Variants in RPP14 observed in about 807,000 individuals in gnomAD.
The protein encoded by RPP14 is ribonuclease P/MRP subunit p14, also known as ribonuclease P protein subunit p14.
In RPP14, 19 loss-of-function variants were observed where a neutral mutation model predicts 17.8. The observed-to-expected ratio is 1.07, with a 90% CI of 0.74 to 1.57. The LOEUF (loss-of-function observed/expected upper bound fraction) is 1.57, where lower values mean the gene tolerates loss of function less well. Ranked by LOEUF, RPP14 falls within the 40% of genes most tolerant of loss-of-function variation. RPP14 has a pLI of 0.00. For missense variants in RPP14, 125 were observed against 140.8 expected, an observed-to-expected ratio of 0.89 and a Z score of 0.57; for synonymous variants, 60 against 56.4, an observed-to-expected ratio of 1.06 and a Z score of -0.29.
chr3:58,310,562 ATTTC>A lies in RPP14; in HGVS notation c.134_137del (p.Ile45ArgfsTer3), dbSNP rs1240545534. On this transcript the variant is annotated frameshift_variant, in exon 3 of 6. Coordinates refer to ENST00000295959, the MANE Select transcript of RPP14 (RefSeq NM_007042.6). LOFTEE classifies it high-confidence loss of function. Reference sequence around the variant, plus strand: ...TGCTGCACAGTTCAAACAGCTGCTTATTTCGGCTGTGAAGGACCTGTTTGGGGAG... The same window carrying A: ...TGCTGCACAGTTCAAACAGCTGCTTAGGCTGTGAAGGACCTGTTTGGGGAG... 1.2e-5 allele frequency: 19 copies of A among 1,612,958 alleles called. No homozygotes were observed. The highest frequency in any genetic ancestry group is 1.6e-5 in the Non-Finnish European group (19 of 1,179,726).
At chr3:58,315,260 A>C (rs1246717746) in intron 3 of RPP14, among the ~76,000 whole-genome samples, 1 of 152,288 alleles carries the variant, frequency 6.6e-6, no homozygotes, top group African/African-American at 2.4e-5. Flanking sequence ...CCAGAGAATT[A>C]TGCTGAGCGA....
chr3:58,308,710 A>T (rs1367562685), intron 1 of RPP14, among the ~76,000 whole-genome samples: 1 of 152,188 alleles, frequency 6.6e-6, no homozygotes. Flanking sequence ...TAGCTCTGTG[A>T]CCTTGGATAA....
At chr3:58,312,086 T>C (rs1370478992) in intron 3 of RPP14, among the ~76,000 whole-genome samples, 3 of 151,786 alleles carry the variant, frequency 2.0e-5, no homozygotes, top group Non-Finnish European at 2.9e-5. Flanking sequence ...GCTCCTGGAC[T>C]CAAGCAATCC....
At chr3:58,312,417 G>A (rs756290349) in intron 3 of RPP14, among the ~76,000 whole-genome samples, 6 of 126,612 alleles carry the variant, frequency 4.7e-5, no homozygotes, top group Non-Finnish European at 3.1e-5. Flanking sequence ...CTGCCACCAC[G>A]CCCAGCTAAT....
At position 58,319,958 on chromosome 3, in the gene RPP14, ACCT is replaced by A. The variant is rs1559798143; in HGVS notation, c.*2465_*2467del. On this transcript the variant is annotated 3_prime_UTR_variant, in exon 6 of 6. Transcript: ENST00000295959. Reference sequence around the variant, plus strand: ...AGCATTTTTCATCACCCCCAAAAGAACCTCCCATTAGCAGTCAATCCATTTCTC... The same window carrying A: ...AGCATTTTTCATCACCCCCAAAAGAACCCATTAGCAGTCAATCCATTTCTC... 6.6e-6 allele frequency: 1 copy of A among 152,012 alleles called. No individual in the cohort carries two copies. Among genetic ancestry groups the A allele is most frequent in the Non-Finnish European group, 1.5e-5 (1 of 68,020 alleles). 9.4% of individuals were successfully genotyped at this position (152,012 alleles called of 1,614,324 possible). A position where few individuals can be genotyped will look rare whatever the true frequency, so the allele number is the denominator to read the frequency against.
rs2097481125 is a variant in RPP14 at position 58,310,568 on chromosome 3, G to A, written c.139G>A (p.Ala47Thr). The A allele has an allele frequency of 1.2e-6, 2 of 1,612,944 alleles. No individual in the cohort carries two copies. Among genetic ancestry groups the A allele is most frequent in the East Asian group, 2.2e-5 (1 of 44,866 alleles). Residue 47 changes from alanine to threonine, a missense_variant, in exon 3 of 6, where the codon GCT becomes ACT. Coordinates refer to ENST00000295959, the MANE Select transcript of RPP14 (RefSeq NM_007042.6). ...AAQFKQLLIS[A>T]VKDLFGEVDA... ...ACAGTTCAAACAGCTGCTTATTTCG[G>A]CTGTGAAGGACCTGTTTGGGGAGGT...
Position 58,310,564 on chromosome 3 carries a change from T to C in RPP14, c.135T>C (p.Ile45=), listed in dbSNP as rs751391225. ...CTGCACAGTTCAAACAGCTGCTTAT[T>C]TCGGCTGTGAAGGACCTGTTTGGGG... ...LNAAQFKQLL[I]SAVKDLFGEV... The change falls in exon 3 of 6, where the codon ATT becomes ATC. Residue 45 remains isoleucine, a synonymous_variant. Coordinates refer to ENST00000295959, the MANE Select transcript of RPP14 (RefSeq NM_007042.6). The C allele has an allele frequency of 1.9e-6, 3 of 1,613,282 alleles. No homozygotes were observed. The highest frequency in any genetic ancestry group is 2.5e-6 in the Non-Finnish European group (3 of 1,179,704).
intron 1 of RPP14, among the ~76,000 whole-genome samples, chr3:58,308,917 A>G (rs1248459039): frequency 6.6e-6 from 1 of 152,250 alleles, no homozygotes; most frequent in Non-Finnish European, 1.5e-5. Context: ...AGGGAGAGCA[A>G]GGTTGGCATG....
Position 58,317,002 on chromosome 3 carries a change from T to C in RPP14, c.318+9T>C, listed in dbSNP as rs2097489008. 1 of 1,603,320 alleles carries C rather than the reference T, an allele frequency of 6.2e-7. No homozygotes were observed. The highest frequency in any genetic ancestry group is 1.3e-5 in the African/African-American group (1 of 74,670). On this transcript the variant is annotated intron_variant, in intron 5 of 5. Transcript: ENST00000295959. The stretch of plus-strand genomic sequence containing the variant: ...CTTTCCGGGTGATTCAGGTAAAGAC[T>C]ATTCCCTCACATATTCCAAACAAGA...
chr3:58,306,425 G>A lies in RPP14; in HGVS notation c.-22+8G>A, dbSNP rs1254430011. On this transcript the variant is annotated splice_region_variant and intron_variant, in intron 1 of 5. Transcript: ENST00000295959. ...TAGTCCGACGAAGAGTGGGTAGGTG[G>A]AAGCCTTCCAAAGAGCGGCGGTTGT... The A allele has an allele frequency of 6.6e-6, 1 of 152,342 alleles. No homozygotes were observed. The highest frequency in any genetic ancestry group is 1.5e-5 in the Non-Finnish European group (1 of 68,094). 9.4% of individuals were successfully genotyped at this position (152,342 alleles called of 1,614,324 possible). A position where few individuals can be genotyped will look rare whatever the true frequency, so the allele number is the denominator to read the frequency against.
At chr3:58,309,888 T>C (rs2097480245) in intron 1 of RPP14, among the ~76,000 whole-genome samples, 1 of 150,598 alleles carries the variant, frequency 6.6e-6, no homozygotes, top group South Asian at 2.1e-4. Flanking sequence ...CAAGACTCCT[T>C]CTCCAAAAAA....
chr3:58,311,649 G>T (rs944105804), intron 3 of RPP14, among the ~76,000 whole-genome samples: 2 of 149,136 alleles, frequency 1.3e-5, no homozygotes, highest in Non-Finnish European at 1.5e-5. Flanking sequence ...CCATTGATGG[G>T]CACTTAAGTT....
At chr3:58,314,234 C>T (rs577395944) in intron 3 of RPP14, among the ~76,000 whole-genome samples, 201 of 152,136 alleles carry the variant, frequency 1.3e-3, no homozygotes, top group Non-Finnish European at 2.1e-3. Context: ...GCCTGTAACC[C>T]CAGCTACTCG....
chr3:58,310,942 G>A (rs1385853561), intron 3 of RPP14, among the ~76,000 whole-genome samples: 1 of 137,686 alleles, frequency 7.3e-6, no homozygotes, highest in African/African-American at 2.8e-5. Flanking sequence ...AAAAAAAATC[G>A]AGAAAGAATG....
rs1466473706 is a variant in RPP14, at chr3:58,318,571, C to T, written c.*1075C>T. 1 of 150,420 alleles carries T rather than the reference C, an allele frequency of 6.6e-6. No individual in the cohort carries two copies. The highest frequency in any genetic ancestry group is 1.4e-5 in the Non-Finnish European group (1 of 69,158). The allele number at this position is 150,420 out of a possible 1,614,324, so 9.3% of individuals were successfully genotyped here. Reference sequence around the variant, plus strand: ...CCTGTAGTCCCAGTTGCTTGGGAGGCTGAGGTGGGAGAATTGCTTGGGCCT... The same window carrying T: ...CCTGTAGTCCCAGTTGCTTGGGAGGTTGAGGTGGGAGAATTGCTTGGGCCT... On this transcript the variant is annotated 3_prime_UTR_variant, in exon 6 of 6. Coordinates refer to ENST00000295959, the MANE Select transcript of RPP14 (RefSeq NM_007042.6).
chr3:58,308,394 C>T (rs1167631028), intron 1 of RPP14, among the ~76,000 whole-genome samples: 4 of 152,114 alleles, frequency 2.6e-5, no homozygotes, highest in Non-Finnish European at 4.4e-5. Context: ...AGCTATCCTC[C>T]CACCTCAGCC....
chr3:58,306,623 C>T (rs1347047934), intron 1 of RPP14: 1 of 152,012 alleles, frequency 6.6e-6, no homozygotes, highest in Non-Finnish European at 1.5e-5. Flanking sequence ...GGACCGTGTC[C>T]TGAGCGCTCT....
At chr3:58,306,832 T>C (rs1263304891) in intron 1 of RPP14, among the ~76,000 whole-genome samples, 1 of 152,002 alleles carries the variant, frequency 6.6e-6, no homozygotes, top group Non-Finnish European at 1.5e-5. Flanking sequence ...GCAAGATTCT[T>C]GGAGTGGACT....
At chr3:58,311,310 A>G (rs987485464) in intron 3 of RPP14, among the ~76,000 whole-genome samples, 16 of 152,156 alleles carry the variant, frequency 1.1e-4, no homozygotes, top group Non-Finnish European at 2.1e-4. Flanking sequence ...ACACGCTACC[A>G]TGCCCAACTA....
Sources: gnomAD v4.1 joint callset for allele counts (sites outside exome capture counted in the v4.1 genomes callset) on GRCh38, gnomAD v4.1.1 for gene constraint, MANE v1.5 for transcripts, NCBI Gene and HGNC (gene_info 2026-07-23, HGNC 2026-07-21) for gene names.